The following USP28 variants were observed in gnomAD, a reference collection of about 807,000 sequenced individuals.
USP28 encodes the protein ubiquitin specific peptidase 28, also known as ubiquitin carboxyl-terminal hydrolase 28.
In USP28, 113 loss-of-function variants were observed where a neutral mutation model predicts 145.0. That is an observed-to-expected ratio of 0.78 (90% CI 0.67 to 0.91). USP28 has a LOEUF of 0.91. Ranked by LOEUF, USP28 falls within the 40% of genes least tolerant of loss-of-function variation. The pLI is 0.00. For missense variants in USP28, 1,201 were observed against 1,289.6 expected (o/e 0.93, Z 1.05); for synonymous variants, 447 against 450.9 (o/e 0.99, Z 0.11).
At chr11:113,838,109 T>A (rs1003290459) in intron 5 of USP28, among the ~76,000 whole-genome samples, 2 of 152,224 alleles carry the variant, frequency 1.3e-5, no homozygotes, top group Non-Finnish European at 1.5e-5. Flanking sequence ...TCCTCAGATA[T>A]ACTTTCTATG....
exon 3 of USP28, chr11:113,852,555 C>G (rs991446741): frequency 6.2e-7 from 1 of 1,614,036 alleles, no homozygotes; most frequent in Non-Finnish European, 8.5e-7. Context: ...GGTTCTGTAG[C>G]AACAGTGTCT....
At chr11:113,805,843 C>G (rs528340624) in intron 19 of USP28, among the ~76,000 whole-genome samples, 1 of 152,162 alleles carries the variant, frequency 6.6e-6, no homozygotes, top group Non-Finnish European at 1.5e-5. Context: ...CTAGCCAAGG[C>G]TGGGTTAGGG....
At chr11:113,845,448 T>A (rs973901828) in intron 3 of USP28, among the ~76,000 whole-genome samples, 4 of 149,982 alleles carry the variant, frequency 2.7e-5, no homozygotes, top group African/African-American at 4.9e-5. Context: ...AAAAAAAAAT[T>A]AATAAATAAA....
intron 10 of USP28, among the ~76,000 whole-genome samples, chr11:113,828,282 C>T (rs933307054): frequency 6.6e-6 from 1 of 152,138 alleles, no homozygotes; most frequent in African/African-American, 2.4e-5. Flanking sequence ...TATAGAATTC[C>T]CATCCTGGAA....
chr11:113,824,039 T>C (rs1461637779), intron 11 of USP28, among the ~76,000 whole-genome samples: 1 of 151,722 alleles, frequency 6.6e-6, no homozygotes, highest in Non-Finnish European at 1.5e-5. Context: ...TTAAGGAACC[T>C]AAAAAAATAC....
chr11:113,799,184 T>C, exon 25 of USP28: 1 of 1,567,206 alleles, frequency 6.4e-7, no homozygotes, highest in Non-Finnish European at 8.6e-7. Context: ...GACAACGAAC[T>C]TCTGTGCAAG....
chr11:113,802,811 C>T (rs1417413765), intron 23 of USP28, among the ~76,000 whole-genome samples: 2 of 152,116 alleles, frequency 1.3e-5, no homozygotes, highest in Admixed American at 1.3e-4. Flanking sequence ...TCCTACATGA[C>T]AGGCACAGAG....
chr11:113,851,751 C>T (rs1946475359), intron 3 of USP28, among the ~76,000 whole-genome samples: 2 of 150,144 alleles, frequency 1.3e-5, no homozygotes, highest in African/African-American at 4.9e-5. Flanking sequence ...CGCTATTGCA[C>T]TCTAGCCTGG....
Position 113,812,514 on chromosome 11 carries a change from A to G in USP28, c.1744-10T>C. 6.2e-7 allele frequency: 1 copy of G among 1,610,518 alleles called. No individual in the cohort carries two copies. Among genetic ancestry groups the G allele is most frequent in the Admixed American group, 1.7e-5 (1 of 59,916 alleles). Reference sequence around the variant, plus strand: ...GCAAGCGATAAGGCACCTGTAAGTCAGAATGTACATTCCCCAGTCAGGTGA... The same window carrying G: ...GCAAGCGATAAGGCACCTGTAAGTCGGAATGTACATTCCCCAGTCAGGTGA... On this transcript the variant is annotated splice_polypyrimidine_tract_variant and intron_variant, in intron 15 of 24. Coordinates refer to ENST00000003302, the Ensembl canonical transcript of USP28.
intron 19 of USP28, among the ~76,000 whole-genome samples, chr11:113,805,412 T>C (rs575690008): frequency 6.6e-6 from 1 of 151,988 alleles, no homozygotes; most frequent in East Asian, 1.9e-4. Flanking sequence ...TATACCACCA[T>C]GCCCAGTTAA....
chr11:113,864,598 G>A (rs1362372193), intron 1 of USP28, among the ~76,000 whole-genome samples: 2 of 152,242 alleles, frequency 1.3e-5, no homozygotes, highest in East Asian at 3.9e-4. Context: ...CCAGGACCAA[G>A]GAAAATCAAT....
intron 11 of USP28, among the ~76,000 whole-genome samples, chr11:113,826,336 C>CTTTT (rs1565394775): frequency 1.9e-4 from 22 of 115,218 alleles, no homozygotes; most frequent in African/African-American, 6.3e-4. Flanking sequence ...CCACCACACC[C>CTTTT]ATTTTTTTTT....
intron 15 of USP28, among the ~76,000 whole-genome samples, chr11:113,812,771 A>G (rs1407419950): frequency 3.3e-5 from 5 of 152,198 alleles, no homozygotes; most frequent in Non-Finnish European, 7.3e-5. Context: ...AAAACCAAAC[A>G]TAACCTAAAC....
At chr11:113,845,964 C>T (rs915803461) in intron 3 of USP28, among the ~76,000 whole-genome samples, 1 of 152,150 alleles carries the variant, frequency 6.6e-6, no homozygotes, top group African/African-American at 2.4e-5. Context: ...CCCAAATGTC[C>T]ATTAATGAAT....
At chr11:113,834,260 G>C (rs770378434) in exon 6 of USP28, 1 of 1,610,998 alleles carries the variant, frequency 6.2e-7, no homozygotes, top group Non-Finnish European at 8.5e-7. Context: ...GTATGACTTC[G>C]ACAATTTTCA....
chr11:113,808,211 G>A, intron 18 of USP28, 75 bp from the exon 19 acceptor site: 1 of 1,559,054 alleles, frequency 6.4e-7, no homozygotes, highest in Non-Finnish European at 8.6e-7. Flanking sequence ...AGGCAGCAGA[G>A]ACACAGAATA....
At chr11:113,867,496 G>T (rs1948393728) in intron 1 of USP28, among the ~76,000 whole-genome samples, 1 of 151,472 alleles carries the variant, frequency 6.6e-6, no homozygotes, top group Admixed American at 6.6e-5. Flanking sequence ...TTGAATTCCT[G>T]ACCTCAGTGA....
exon 18 of USP28, chr11:113,808,425 G>A (rs1940400034): frequency 1.2e-6 from 2 of 1,613,876 alleles, no homozygotes; most frequent in African/African-American, 1.3e-5. Context: ...ATGAGAAGAG[G>A]CTACTGAAGG....
At chr11:113,822,377 A>AGGCG (rs1437824215) in intron 12 of USP28, 1 of 151,958 alleles carries the variant, frequency 6.6e-6, no homozygotes, top group Non-Finnish European at 1.5e-5. Context: ...TGAACCCAGG[A>AGGCG]GGCGGAGGTT....
Sources: gnomAD v4.1 joint callset for allele counts (sites outside exome capture counted in the v4.1 genomes callset) on GRCh38, gnomAD v4.1.1 for gene constraint, MANE v1.5 for transcripts, NCBI Gene and HGNC (gene_info 2026-07-23, HGNC 2026-07-21) for gene names.